Variants in STON1 observed in about 807,000 individuals in gnomAD.
The protein encoded by STON1 is stonin 1, also known as stonin-1.
Under a neutral mutation model 60.9 loss-of-function variants are expected in STON1, and 79 were observed. The ratio of observed to expected loss-of-function variants is 1.30; its 90% CI spans 1.08 to 1.56. The LOEUF is 1.56. STON1 is among the 40% of genes most tolerant of loss of function. The probability of loss-of-function intolerance (pLI) is 0.00; values close to 1 mark genes in which losing one functional copy is unlikely to be tolerated. For synonymous variants in STON1, 363 were observed against 306.9 expected, an observed-to-expected ratio of 1.18 and a Z score of -1.91; for missense variants, 1,166 against 858.9, an observed-to-expected ratio of 1.36 and a Z score of -4.47.
chr2:48,558,960 T>G (rs1572946341), intron 1 of STON1, among the ~76,000 whole-genome samples: 1 of 152,226 alleles, frequency 6.6e-6, no homozygotes, highest in Admixed American at 6.5e-5. Context: ...AGTTAGGACC[T>G]TTTCGAATGC....
chr2:48,578,077 C>T (rs1255356376), intron 1 of STON1, among the ~76,000 whole-genome samples: 1 of 152,166 alleles, frequency 6.6e-6, no homozygotes, highest in Admixed American at 6.5e-5. Context: ...GCCTCCCAGG[C>T]AATTCCCCTG....
intron 1 of STON1, among the ~76,000 whole-genome samples, chr2:48,573,350 A>C (rs947123359): frequency 1.3e-5 from 2 of 152,150 alleles, no homozygotes; most frequent in African/African-American, 4.8e-5. Context: ...ATAAATAAAT[A>C]TCCCAGCACT....
chr2:48,548,787 A>G (rs1671969562), intron 1 of STON1, among the ~76,000 whole-genome samples: 1 of 152,178 alleles, frequency 6.6e-6, no homozygotes. Context: ...GGCGTGAGCC[A>G]CCATGCCCGG....
intron 3 of STON1, among the ~76,000 whole-genome samples, chr2:48,592,922 A>G (rs1674607417): frequency 6.6e-6 from 1 of 151,570 alleles, no homozygotes; most frequent in Non-Finnish European, 1.5e-5. Context: ...GCCTGGTATT[A>G]TGGTAGTTTT....
intron 2 of STON1, among the ~76,000 whole-genome samples, chr2:48,583,087 C>G (rs1024717846): frequency 1.3e-5 from 2 of 152,130 alleles, no homozygotes; most frequent in Non-Finnish European, 2.9e-5. Context: ...GTCATCTCAA[C>G]TTGTATTGTT....
chr2:48,541,809 G>T (rs746826967), intron 1 of STON1, among the ~76,000 whole-genome samples: 4 of 152,016 alleles, frequency 2.6e-5, no homozygotes, highest in Non-Finnish European at 5.9e-5. Flanking sequence ...GAGAATGCGG[G>T]AGAGAAGAGG....
rs904918956 is a variant in STON1 at position 48,530,230 on chromosome 2, C to A, written c.-48+14C>A. Reference sequence around the variant, plus strand: ...ACCGCGCTGCCGGTGAGTGACCAGCCCCAGGGGACAGAGACGGGAGGCCTG... The same window carrying A: ...ACCGCGCTGCCGGTGAGTGACCAGCACCAGGGGACAGAGACGGGAGGCCTG... On this transcript the variant is annotated intron_variant, in intron 1 of 3. Transcript: ENST00000404752. 2 of 380,848 alleles carry A rather than the reference C, an allele frequency of 5.3e-6. No homozygotes were observed. Among genetic ancestry groups the A allele is most frequent in the Non-Finnish European group, 1.0e-5 (2 of 197,920 alleles). 23.6% of individuals were successfully genotyped at this position (380,848 alleles called of 1,614,324 possible).
chr2:48,568,895 A>T (rs967276517), intron 1 of STON1: 1 of 152,218 alleles, frequency 6.6e-6, no homozygotes, highest in Non-Finnish European at 1.5e-5. Context: ...TCCTGGCTCC[A>T]GGAAGTGGTG....
chr2:48,572,321 A>G (rs1673253725), intron 1 of STON1, among the ~76,000 whole-genome samples: 5 of 152,180 alleles, frequency 3.3e-5, no homozygotes, highest in South Asian at 4.1e-4. Context: ...TTGGGTTCCT[A>G]TTGGGCACCA....
chr2:48,566,572 C>T (rs889080171), intron 1 of STON1, among the ~76,000 whole-genome samples: 18 of 152,072 alleles, frequency 1.2e-4, no homozygotes, highest in Admixed American at 4.6e-4. Context: ...CGTGAGCCAC[C>T]GCACCCGACC....
At chr2:48,552,138 G>A (rs939170978) in intron 1 of STON1, among the ~76,000 whole-genome samples, 8 of 152,250 alleles carry the variant, frequency 5.3e-5, no homozygotes, top group African/African-American at 1.4e-4. Context: ...AATGGGGCAT[G>A]TCCATGCAAT....
At chr2:48,559,256 A>G (rs925776257) in intron 1 of STON1, among the ~76,000 whole-genome samples, 15 of 152,196 alleles carry the variant, frequency 9.9e-5, no homozygotes, top group African/African-American at 3.4e-4. Context: ...TGAGCTTGCT[A>G]TAACAAAAAA....
chr2:48,563,044 G>A (rs868231638), intron 1 of STON1, among the ~76,000 whole-genome samples: 2 of 152,238 alleles, frequency 1.3e-5, no homozygotes, highest in East Asian at 3.9e-4. Context: ...GTTCCCAGAG[G>A]CCTGTGAAGG....
chr2:48,589,335 G>A (rs1341360180), intron 2 of STON1, among the ~76,000 whole-genome samples: 1 of 152,204 alleles, frequency 6.6e-6, no homozygotes, highest in Non-Finnish European at 1.5e-5. Flanking sequence ...ATTATGTTGA[G>A]TGAACAATGA....
intron 1 of STON1, among the ~76,000 whole-genome samples, chr2:48,564,473 CTTCTTCTTTCTTCTTCTTCTTCTTCTT>C (rs1672778895): frequency 5.8e-5 from 3 of 51,722 alleles, no homozygotes; most frequent in Non-Finnish European, 1.2e-4. Context: ...TCTTCTTCTT[CTTCTTCTTTCTTCTTCTTCTTCTTCTT>C]CTTCTTCTTC....
chr2:48,584,312 T>C (rs1674073800), intron 2 of STON1, among the ~76,000 whole-genome samples: 2 of 152,044 alleles, frequency 1.3e-5, no homozygotes, highest in Non-Finnish European at 1.5e-5. Context: ...CTTACTCTGT[T>C]GCTCAGGCTG....
At chr2:48,550,493 A>G (rs10185610) in intron 1 of STON1, among the ~76,000 whole-genome samples, 145,638 of 147,364 alleles carry the variant, frequency 0.99, 71,978 homozygotes, top group East Asian at 1. Context: ...GTGAAACTCT[A>G]TCTCAAAAAA....
intron 1 of STON1, among the ~76,000 whole-genome samples, chr2:48,535,123 A>G (rs545239747): frequency 6.6e-6 from 1 of 152,262 alleles, no homozygotes; most frequent in African/African-American, 2.4e-5. Flanking sequence ...TTGCAGCGTC[A>G]GGAGAGTGTG....
intron 1 of STON1, among the ~76,000 whole-genome samples, chr2:48,548,493 T>A (rs1010416253): frequency 6.6e-6 from 1 of 152,064 alleles, no homozygotes; most frequent in Non-Finnish European, 1.5e-5. Flanking sequence ...CTTTCATTTT[T>A]CTTTTTTTTT....
Sources: gnomAD v4.1 joint callset for allele counts (sites outside exome capture counted in the v4.1 genomes callset) on GRCh38, gnomAD v4.1.1 for gene constraint, MANE v1.5 for transcripts, NCBI Gene and HGNC (gene_info 2026-07-23, HGNC 2026-07-21) for gene names.